The following TP63 variants were observed in gnomAD, a reference collection of about 807,000 sequenced individuals.
The protein encoded by TP63 is tumor protein p63, also known as tumor protein 63.
A neutral mutation model predicts 82.8 loss-of-function variants in TP63; 17 were observed. The observed-to-expected ratio is 0.21, with a 90% CI of 0.14 to 0.31. The LOEUF (loss-of-function observed/expected upper bound fraction) is 0.31, where lower values mean the gene tolerates loss of function less well. Among genes scored for constraint, TP63 ranks in the 10% least tolerant of loss-of-function variants. TP63 has a pLI of 1.00. For missense variants in TP63, 648 were observed against 895.3 expected, an observed-to-expected ratio of 0.72 and a Z score of 3.52; for synonymous variants, 330 against 321.7, an observed-to-expected ratio of 1.03 and a Z score of -0.28.
chr3:189,613,999 G>T, the TP63 span, among the ~76,000 whole-genome samples: 3 of 152,154 alleles, frequency 2.0e-5, no homozygotes, highest in Admixed American at 6.5e-5. Flanking sequence ...TCTCAAATGA[G>T]ACTTTGGACT....
intron 4 of TP63, among the ~76,000 whole-genome samples, chr3:189,848,547 G>A (rs1235159017): frequency 1.3e-5 from 2 of 152,068 alleles, no homozygotes; most frequent in Non-Finnish European, 2.9e-5. Flanking sequence ...AAAAATCTTA[G>A]CAAATGTGTG....
intron 3 of TP63, among the ~76,000 whole-genome samples, chr3:189,739,364 C>T (rs116756527): frequency 2.0e-3 from 303 of 152,286 alleles, no homozygotes; most frequent in Middle Eastern, 6.8e-3. Flanking sequence ...GATCTGCCCA[C>T]CTCAGCCTCC....
chr3:189,722,714 C>T (rs1258769556), intron 1 of TP63, among the ~76,000 whole-genome samples: 1 of 152,168 alleles, frequency 6.6e-6, no homozygotes, highest in Non-Finnish European at 1.5e-5. Flanking sequence ...CACCAACTTT[C>T]TCATGTTTTG....
intron 1 of TP63, among the ~76,000 whole-genome samples, chr3:189,635,615 C>A (rs1315281518): frequency 6.6e-6 from 1 of 152,074 alleles, no homozygotes; most frequent in African/African-American, 2.4e-5. Flanking sequence ...CTCTCAGAGG[C>A]CCTTGCTGCA....
At chr3:189,889,623 G>A in intron 12 of TP63, 139 bp downstream of exon 12, 1 of 1,156,784 alleles carries the variant, frequency 8.6e-7, no homozygotes, top group Non-Finnish European at 1.3e-6. Flanking sequence ...TATTATCTCT[G>A]ATCTGTGGAG....
intron 11 of TP63, among the ~76,000 whole-genome samples, chr3:189,888,416 T>A (rs1355231294): frequency 6.6e-6 from 1 of 152,220 alleles, no homozygotes; most frequent in Non-Finnish European, 1.5e-5. Flanking sequence ...ATAGTGATGA[T>A]GGTTCACATT....
intron 3 of TP63, chr3:189,789,862 G>A (rs773327371): frequency 2.5e-6 from 4 of 1,570,020 alleles, no homozygotes; most frequent in African/African-American, 2.8e-5. Context: ...TTAGATTTTA[G>A]CACTCCATTT....
At chr3:189,888,400 G>A (rs1720685880) in intron 11 of TP63, among the ~76,000 whole-genome samples, 1 of 152,156 alleles carries the variant, frequency 6.6e-6, no homozygotes, top group Non-Finnish European at 1.5e-5. Context: ...TGACAAAATT[G>A]TGATAATAGT....
At chr3:189,728,306 AACAGACCT>A (rs1352555516) in intron 1 of TP63, among the ~76,000 whole-genome samples, 2 of 152,260 alleles carry the variant, frequency 1.3e-5, no homozygotes, top group Non-Finnish European at 2.9e-5. Flanking sequence ...TAGTTGAGGC[AACAGACCT>A]ACATACACAA....
At chr3:189,880,774 T>A (rs1719823608) in intron 10 of TP63, 1 of 985,344 alleles carries the variant, frequency 1.0e-6, no homozygotes, top group African/African-American at 1.7e-5. Flanking sequence ...ATCAACTTTG[T>A]GGGTGGAGAG....
intron 1 of TP63, among the ~76,000 whole-genome samples, chr3:189,650,691 T>C (rs893081044): frequency 1.4e-5 from 2 of 147,594 alleles, no homozygotes; most frequent in Non-Finnish European, 3.0e-5. Context: ...CTATTTCCTT[T>C]ATAAATTAAC....
intron 3 of TP63, among the ~76,000 whole-genome samples, chr3:189,806,505 T>G (rs1726924652): frequency 6.6e-6 from 1 of 152,212 alleles, no homozygotes; most frequent in Admixed American, 6.5e-5. Flanking sequence ...GCCTCAGGCT[T>G]GGATACCTAA....
chr3:189,838,344 A>G (rs1713446422), intron 4 of TP63, among the ~76,000 whole-genome samples: 1 of 152,190 alleles, frequency 6.6e-6, no homozygotes, highest in Non-Finnish European at 1.5e-5. Context: ...TTACTAAAAC[A>G]TGTTAATAGA....
chr3:189,822,972 G>A (rs1728949692), intron 4 of TP63, among the ~76,000 whole-genome samples: 1 of 152,178 alleles, frequency 6.6e-6, no homozygotes. Flanking sequence ...AGACACCCTT[G>A]ACTCAAGTTT....
chr3:189,878,568 G>GAT (rs1434309764), intron 10 of TP63, among the ~76,000 whole-genome samples: 11 of 140,390 alleles, frequency 7.8e-5, no homozygotes, highest in African/African-American at 1.1e-4. Flanking sequence ...TTTGTATTTT[G>GAT]ATATATATAT....
the TP63 span, among the ~76,000 whole-genome samples, chr3:189,611,886 G>A: frequency 6.6e-6 from 1 of 151,894 alleles, no homozygotes; most frequent in Non-Finnish European, 1.5e-5. Context: ...TCCTTTTATG[G>A]CAGTTGTGAA....
rs1266931283 is a variant in TP63 at position 189,854,757 on chromosome 3, A to G, written c.580-9475A>G. Among the ~76,000 whole-genome samples the G allele has an allele frequency of 2.0e-5, 3 of 152,218 alleles. No individual in the cohort carries two copies. The East Asian group carries it at 5.8e-4, about 29-fold the overall frequency. On this transcript the variant is annotated intron_variant, in intron 4 of 13. Coordinates refer to ENST00000264731, the MANE Select transcript of TP63 (RefSeq NM_003722.5). ...AAAAAAGCGAGAAAGGGCTTATATT[A>G]AAAACAAACAAAATCCTATCTATAG...
chr3:189,716,640 T>C (rs1718980010), intron 1 of TP63, among the ~76,000 whole-genome samples: 1 of 152,228 alleles, frequency 6.6e-6, no homozygotes, highest in Admixed American at 6.5e-5. Context: ...CTGAATTTTA[T>C]AGCCCAACAT....
At chr3:189,843,367 G>A (rs1236803878) in intron 4 of TP63, among the ~76,000 whole-genome samples, 1 of 152,202 alleles carries the variant, frequency 6.6e-6, no homozygotes, top group Admixed American at 6.5e-5. Context: ...GGCGCGGCCC[G>A]GGAAGAATGT....
Sources: allele counts gnomAD v4.1 joint callset (sites outside exome capture counted in the v4.1 genomes callset), GRCh38; gene constraint gnomAD v4.1.1; transcripts MANE v1.5; gene names NCBI Gene and HGNC (gene_info 2026-07-23, HGNC 2026-07-21).